DOCK1: variants seen among roughly 807,000 people sequenced by gnomAD.
The protein encoded by DOCK1 is dedicator of cytokinesis protein 1.
DOCK1 carries 138 observed loss-of-function variants against 262.7 expected under a neutral mutation model. That is an observed-to-expected ratio of 0.53 (90% CI 0.46 to 0.61). The LOEUF (loss-of-function observed/expected upper bound fraction) is 0.61. Among genes scored for constraint, DOCK1 ranks in the 20% least tolerant of loss-of-function variants. The probability of loss-of-function intolerance (pLI) is 0.00; values close to 1 mark genes in which losing one functional copy is unlikely to be tolerated. For synonymous variants in DOCK1, 866 were observed against 867.4 expected (o/e 1.00, Z 0.03); for missense variants, 1,908 against 2,370.7 (o/e 0.80, Z 4.05).
chr10:127,100,754 T>G lies in DOCK1; in HGVS notation c.2446-5477T>G, dbSNP rs1304741863. Among the ~76,000 whole-genome samples the G allele has an allele frequency of 6.6e-6, 1 of 151,630 alleles. No individual in the cohort carries two copies. The highest frequency in any genetic ancestry group is 1.5e-5 in the Non-Finnish European group (1 of 67,904). On this transcript the variant is annotated intron_variant, in intron 23 of 51. Transcript: ENST00000623213. This position sits in a 1 kb window ranked among gnomAD's most constrained non-coding sequence, Gnocchi z 5.5. ...TGCCCCAGAGGTGAGGTGGCCAAAGTGTCATCAGAAAGGCCACTTGAGAAC... is the reference window on the plus strand; with the variant it reads ...TGCCCCAGAGGTGAGGTGGCCAAAGGGTCATCAGAAAGGCCACTTGAGAAC...
intron 29 of DOCK1, among the ~76,000 whole-genome samples, chr10:127,319,311 C>T (rs1367395350): frequency 6.6e-6 from 1 of 152,092 alleles, no homozygotes; most frequent in African/African-American, 2.4e-5. Context: ...GATTGTGTAG[C>T]ATAAAGAAAA....
At chr10:127,355,927 A>G (rs1330996702) in intron 32 of DOCK1, among the ~76,000 whole-genome samples, 1 of 152,222 alleles carries the variant, frequency 6.6e-6, no homozygotes, top group Non-Finnish European at 1.5e-5. Context: ...AGGAATGGAA[A>G]GCCACAGCAG....
At chr10:127,265,124 C>T (rs181093755) in intron 29 of DOCK1, among the ~76,000 whole-genome samples, 3 of 152,316 alleles carry the variant, frequency 2.0e-5, no homozygotes, top group Non-Finnish European at 2.9e-5. Context: ...TTGGTTATAA[C>T]AGTGGTTGGT....
intron 1 of DOCK1, among the ~76,000 whole-genome samples, chr10:126,918,984 A>AAAGTCAAGGTGCAGAT (rs2032881295): frequency 9.5e-6 from 1 of 105,240 alleles, no homozygotes; most frequent in African/African-American, 3.2e-5. Flanking sequence ...GAAAGCCGAG[A>AAAGTCAAGGTGCAGAT]GGGAGTGTGG....
In DOCK1 at chr10:126,970,711, A is replaced by G; in HGVS notation, c.56A>G (p.Asn19Ser). 6.2e-7 allele frequency: 1 copy of G among 1,610,858 alleles called. No individual in the cohort carries two copies. Among genetic ancestry groups the G allele is most frequent in the Non-Finnish European group, 8.5e-7 (1 of 1,177,226 alleles). ...REEKYGVAFY[N>S]YDARGADELS... ...CCTTTTTTCATCACAGCTTTTTATAACTATGATGCCAGAGGAGCGGATGAA... is the reference window on the plus strand; with the variant it reads ...CCTTTTTTCATCACAGCTTTTTATAGCTATGATGCCAGAGGAGCGGATGAA... The change falls in exon 2 of 52, where the codon AAC becomes AGC. Residue 19 changes from asparagine to serine, a missense_variant. Transcript: ENST00000623213.
At chr10:127,213,161 C>CA (rs1564907954) in intron 27 of DOCK1, among the ~76,000 whole-genome samples, 1 of 152,066 alleles carries the variant, frequency 6.6e-6, no homozygotes, top group Non-Finnish European at 1.5e-5. Context: ...ACATGTATTT[C>CA]AAAAAGCTCA....
chr10:127,047,171 C>T (rs11018314), intron 21 of DOCK1, among the ~76,000 whole-genome samples: 399 of 137,478 alleles, frequency 2.9e-3, no homozygotes, highest in Non-Finnish European at 4.5e-3. Flanking sequence ...TATGTGTAAG[C>T]TATTGCTTGA....
At chr10:126,957,367 G>T (rs2036829247) in intron 1 of DOCK1, among the ~76,000 whole-genome samples, 2 of 152,160 alleles carry the variant, frequency 1.3e-5, no homozygotes, top group African/African-American at 4.8e-5. Flanking sequence ...TTTGGCATGT[G>T]CAACTTCTCC....
intron 27 of DOCK1, among the ~76,000 whole-genome samples, chr10:127,205,102 G>T (rs1307494926): frequency 1.3e-5 from 2 of 151,742 alleles, no homozygotes; most frequent in Non-Finnish European, 2.9e-5. Context: ...TATTTTAAAG[G>T]TACTGATTTT....
At chr10:127,292,269 CTG>C (rs921098139) in intron 29 of DOCK1, among the ~76,000 whole-genome samples, 11 of 152,276 alleles carry the variant, frequency 7.2e-5, no homozygotes, top group South Asian at 2.1e-4. Context: ...CATCCAGACA[CTG>C]TGGGTTCTGT....
rs973130848 is a variant in DOCK1 at position 126,922,649 on chromosome 10, A to G, written c.46+17086A>G. Among the ~76,000 whole-genome samples, 7 of 152,120 alleles carry G rather than the reference A, an allele frequency of 4.6e-5. No homozygotes were observed. In the East Asian group the frequency reaches 1.2e-3, roughly 25 times the overall value. ...GAGATTTGGAGGGGACAGACATCCA[A>G]ATGGTATCAGTGACTTTGGGGTTTC... On this transcript the variant is annotated intron_variant, in intron 1 of 51. Transcript: ENST00000623213.
intron 25 of DOCK1, among the ~76,000 whole-genome samples, chr10:127,118,362 C>T (rs2049319992): frequency 6.6e-6 from 1 of 152,188 alleles, no homozygotes; most frequent in African/African-American, 2.4e-5. Context: ...AAATGGGACT[C>T]ATTTGCAATT....
chr10:127,292,580 A>G (rs1379608697), intron 29 of DOCK1, among the ~76,000 whole-genome samples: 1 of 152,144 alleles, frequency 6.6e-6, no homozygotes, highest in African/African-American at 2.4e-5. Flanking sequence ...AAGAAAAGAC[A>G]GTTGGTAACT....
At chr10:127,362,993 C>CA (rs56232825) in intron 33 of DOCK1, among the ~76,000 whole-genome samples, 5 of 65,644 alleles carry the variant, frequency 7.6e-5, no homozygotes, top group South Asian at 6.4e-4. Flanking sequence ...ACATCCCCCC[C>CA]CACACACACA....
chr10:126,969,954 C>T (rs930097940), intron 1 of DOCK1, among the ~76,000 whole-genome samples: 1 of 152,106 alleles, frequency 6.6e-6, no homozygotes, highest in South Asian at 2.1e-4. Context: ...ATGCTATATC[C>T]TATTAGGTAG....
In DOCK1 at chr10:127,379,492, G is replaced by A. The variant is rs571737637; in HGVS notation, c.3676-590G>A. ...GACTGTTTGATACAGTAGACTAGCC[G>A]CATGTGGCTGTTAAGCGCTCCAAGT... On this transcript the variant is annotated intron_variant, in intron 35 of 51. Coordinates refer to ENST00000623213, the MANE Select transcript of DOCK1 (RefSeq NM_001290223.2). Among the ~76,000 whole-genome samples the A allele has an allele frequency of 8.5e-5, 13 of 152,296 alleles. No homozygotes were observed. The South Asian group carries it at 1.7e-3, about 19-fold the overall frequency.
intron 28 of DOCK1, among the ~76,000 whole-genome samples, chr10:127,252,732 T>C (rs903869422): frequency 4.6e-5 from 7 of 151,146 alleles, no homozygotes; most frequent in Non-Finnish European, 2.9e-5. Context: ...CTCTGTTCTG[T>C]TCCATTGATC....
At chr10:127,336,780 T>C (rs2766067) in intron 29 of DOCK1, among the ~76,000 whole-genome samples, 44,494 of 152,006 alleles carry the variant, frequency 0.29, 8,215 homozygotes, top group African/African-American at 0.53. Context: ...ACCTCGTGAT[T>C]CACCCACCTT....
At chr10:127,314,064 T>C (rs1341901951) in intron 29 of DOCK1, among the ~76,000 whole-genome samples, 1 of 152,208 alleles carries the variant, frequency 6.6e-6, no homozygotes, top group Non-Finnish European at 1.5e-5. Flanking sequence ...GCTGGAAATA[T>C]TTCTCTTAAC....
Sources: allele counts gnomAD v4.1 joint callset (sites outside exome capture counted in the v4.1 genomes callset), GRCh38; gene constraint gnomAD v4.1.1; non-coding constraint Gnocchi (gnomAD v3.1); transcripts MANE v1.5; gene names NCBI Gene and HGNC (gene_info 2026-07-23, HGNC 2026-07-21).